FAM193A: variants seen among roughly 807,000 people sequenced by gnomAD.
FAM193A encodes protein FAM193A.
FAM193A carries 22 observed loss-of-function variants against 126.5 expected under a neutral mutation model. The observed-to-expected ratio is 0.17, with a 90% CI of 0.12 to 0.25. The LOEUF is 0.25. Ranked by LOEUF, FAM193A falls within the 10% of genes least tolerant of loss-of-function variation. The pLI is 1.00. For missense variants in FAM193A, 1,675 were observed against 1,672.8 expected (o/e 1.00, Z -0.02); for synonymous variants, 761 against 646.8 (o/e 1.18, Z -2.68).
intron 1 of FAM193A, among the ~76,000 whole-genome samples, chr4:2,572,151 C>T (rs2108860881): frequency 8.1e-6 from 1 of 124,200 alleles, no homozygotes; most frequent in East Asian, 2.6e-4. Context: ...GGCGACAAGG[C>T]CAGCCTCTGT....
chr4:2,709,602 A>G (rs9761503), intron 19 of FAM193A, among the ~76,000 whole-genome samples: 127,368 of 152,092 alleles, frequency 0.84, 53,888 homozygotes, highest in African/African-American at 0.96. Flanking sequence ...TCAGCTACTC[A>G]AGAGGCTGAG....
At chr4:2,688,337 T>C (rs938185727) in intron 13 of FAM193A, among the ~76,000 whole-genome samples, 2 of 152,086 alleles carry the variant, frequency 1.3e-5, no homozygotes, top group Non-Finnish European at 2.9e-5. Flanking sequence ...GCCTTGGTCT[T>C]GGGTGTTGGT....
chr4:2,663,002 G>C lies in FAM193A; in HGVS notation c.1899+11G>C. ...GCCCTGAAGGATGAGGTATGGACATGGCTTCTTCGTAGCAACAATAAATGA... is the reference window on the plus strand; with the variant it reads ...GCCCTGAAGGATGAGGTATGGACATCGCTTCTTCGTAGCAACAATAAATGA... On this transcript the variant is annotated intron_variant, in intron 11 of 20. Coordinates refer to ENST00000637812, the MANE Select transcript of FAM193A (RefSeq NM_001366318.2). 1 of 1,603,950 alleles carries C rather than the reference G, an allele frequency of 6.2e-7. No homozygotes were observed. Among genetic ancestry groups the C allele is most frequent in the Non-Finnish European group, 8.5e-7 (1 of 1,171,564 alleles).
chr4:2,610,759 T>A (rs1165493529), intron 2 of FAM193A, among the ~76,000 whole-genome samples: 1 of 151,918 alleles, frequency 6.6e-6, no homozygotes, highest in Non-Finnish European at 1.5e-5. Flanking sequence ...TTTTTTGAGA[T>A]GGAGTTTCGC....
At chr4:2,553,815 G>T (rs1302456899) in intron 1 of FAM193A, among the ~76,000 whole-genome samples, 2 of 151,988 alleles carry the variant, frequency 1.3e-5, no homozygotes, top group African/African-American at 4.8e-5. Context: ...GGTCTTTCCC[G>T]TGCTGTTCTC....
At chr4:2,670,073 A>G (rs551544978) in intron 12 of FAM193A, among the ~76,000 whole-genome samples, 8 of 152,226 alleles carry the variant, frequency 5.3e-5, no homozygotes, top group African/African-American at 1.4e-4. Context: ...GGTTCTGCAC[A>G]TGCTGGAGTG....
rs1269793589 is a variant in FAM193A, at chr4:2,589,426, A to T, written c.256-6658A>T. ...GTAAATCCTTCAGAGTTCATTCTTT[A>T]AAAAAAGTAAGTCCTAAGGAAAACT... On this transcript the variant is annotated intron_variant, in intron 1 of 20. Transcript: ENST00000637812. 2.0e-5 allele frequency among the ~76,000 whole-genome samples: 3 copies of T among 152,166 alleles called. No individual in the cohort carries two copies. In the East Asian group the frequency reaches 5.8e-4, roughly 29 times the overall value.
intron 1 of FAM193A, among the ~76,000 whole-genome samples, chr4:2,564,395 C>G (rs889060285): frequency 6.6e-6 from 1 of 151,988 alleles, no homozygotes; most frequent in Non-Finnish European, 1.5e-5. Flanking sequence ...GAGCATGTAA[C>G]TTTTTGAAAG....
chr4:2,638,922 A>G (rs1449101783), intron 5 of FAM193A, among the ~76,000 whole-genome samples: 7 of 152,214 alleles, frequency 4.6e-5, no homozygotes, highest in Non-Finnish European at 8.8e-5. Flanking sequence ...AAGCATGATG[A>G]AGTGCAGCTT....
At chr4:2,711,923 TC>T (rs771839398) in intron 19 of FAM193A, among the ~76,000 whole-genome samples, 6 of 151,954 alleles carry the variant, frequency 3.9e-5, no homozygotes, top group Non-Finnish European at 8.8e-5. Context: ...CGAGACTCCA[TC>T]TCCAAAAAAA....
intron 19 of FAM193A, among the ~76,000 whole-genome samples, chr4:2,712,505 C>T (rs116006541): frequency 0.011 from 1,669 of 152,280 alleles, 35 homozygotes; most frequent in African/African-American, 0.038. Flanking sequence ...ACTGCTGCCC[C>T]TGCTCTCCTT....
intron 18 of FAM193A, among the ~76,000 whole-genome samples, chr4:2,696,917 A>G (rs577830105): frequency 3.9e-5 from 6 of 152,210 alleles, no homozygotes; most frequent in South Asian, 2.1e-4. Context: ...GGAGCCGTCA[A>G]CTGTAGAGAT....
intron 2 of FAM193A, among the ~76,000 whole-genome samples, chr4:2,619,775 C>G (rs1742431049): frequency 6.6e-6 from 1 of 152,140 alleles, no homozygotes; most frequent in African/African-American, 2.4e-5. Flanking sequence ...AACCTCCCCT[C>G]CCCTTCCTCG....
At chr4:2,681,282 C>G (rs1003379807) in intron 13 of FAM193A, among the ~76,000 whole-genome samples, 6 of 151,494 alleles carry the variant, frequency 4.0e-5, no homozygotes, top group Admixed American at 2.0e-4. Flanking sequence ...TTTCAAAGAA[C>G]TATATTTTGG....
At chr4:2,651,141 G>T (rs1745622731) in intron 7 of FAM193A, among the ~76,000 whole-genome samples, 1 of 152,128 alleles carries the variant, frequency 6.6e-6, no homozygotes, top group South Asian at 2.1e-4. Context: ...GACCAGCCTG[G>T]CCAGCATGGA....
intron 2 of FAM193A, among the ~76,000 whole-genome samples, chr4:2,597,141 G>A (rs1250335662): frequency 6.6e-6 from 1 of 152,096 alleles, no homozygotes; most frequent in East Asian, 1.9e-4. Flanking sequence ...TCCAGGGCCA[G>A]TTTCTATCCT....
intron 13 of FAM193A, among the ~76,000 whole-genome samples, chr4:2,678,869 CAG>C (rs548313257): frequency 2.8e-3 from 430 of 152,274 alleles, no homozygotes; most frequent in African/African-American, 7.7e-3. Flanking sequence ...CATCTACAAA[CAG>C]AGATAATTTT....
chr4:2,657,168 A>AAAAAC (rs372739183), intron 7 of FAM193A, among the ~76,000 whole-genome samples: 2 of 152,348 alleles, frequency 1.3e-5, no homozygotes, highest in African/African-American at 4.8e-5. Flanking sequence ...ACTCAGTCTC[A>AAAAAC]AAAACAAAAC....
At chr4:2,730,132 G>T (rs1317411465) in intron 20 of FAM193A, among the ~76,000 whole-genome samples, 1 of 151,498 alleles carries the variant, frequency 6.6e-6, no homozygotes, top group African/African-American at 2.4e-5. Flanking sequence ...GGTCTCAAAC[G>T]CCTGGGTTCA....
Sources: allele counts gnomAD v4.1 joint callset (sites outside exome capture counted in the v4.1 genomes callset), GRCh38; gene constraint gnomAD v4.1.1; transcripts MANE v1.5; gene names NCBI Gene and HGNC (gene_info 2026-07-23, HGNC 2026-07-21).